PCDHGA2: variants seen among roughly 807,000 people sequenced by gnomAD.
PCDHGA2 encodes the protein protocadherin gamma subfamily A, 2, also known as protocadherin gamma-A2.
A neutral mutation model predicts 59.2 loss-of-function variants in PCDHGA2; 40 were observed. The ratio of observed to expected loss-of-function variants is 0.68; its 90% confidence interval spans 0.52 to 0.88. The LOEUF (loss-of-function observed/expected upper bound fraction) is 0.88, where lower values mean the gene tolerates loss of function less well. PCDHGA2 is among the 40% of genes least tolerant of loss of function. The probability of loss-of-function intolerance (pLI) is 0.00; values close to 1 mark genes in which losing one functional copy is unlikely to be tolerated. For missense variants in PCDHGA2, 1,226 were observed against 1,204.0 expected, an observed-to-expected ratio of 1.02 and a Z score of -0.27; for synonymous variants, 560 against 526.0, an observed-to-expected ratio of 1.06 and a Z score of -0.89.
In PCDHGA2 at chr5:141,432,596, G is replaced by T; in HGVS notation, c.2425-62211G>T. On this transcript the variant is annotated intron_variant, in intron 1 of 3. Transcript: ENST00000394576. This position sits in a 1 kb window ranked among gnomAD's most constrained non-coding sequence, Gnocchi z 6.0. The stretch of plus-strand genomic sequence containing the variant: ...GTCCTACCGTCTGCTCAAGGCCAGC[G>T]AGCCGGGACTCTTCTCGGTGGGTCT... 6.8e-6 allele frequency: 11 copies of T among 1,613,926 alleles called. No individual in the cohort carries two copies. The highest frequency in any genetic ancestry group is 9.3e-6 in the Non-Finnish European group (11 of 1,179,972).
chr5:141,350,985 A>G (rs1267505867), intron 1 of PCDHGA2: 2 of 1,614,068 alleles, frequency 1.2e-6, no homozygotes, highest in Admixed American at 1.7e-5. Flanking sequence ...TTTAGCCAGG[A>G]GGTATACAGG....
At chr5:141,461,966 G>A (rs2099027516) in intron 1 of PCDHGA2, among the ~76,000 whole-genome samples, 1 of 152,162 alleles carries the variant, frequency 6.6e-6, no homozygotes, top group African/African-American at 2.4e-5. Context: ...TGGGATTCCA[G>A]GCATATGCCA....
chr5:141,485,060 G>C lies in PCDHGA2; in HGVS notation c.2425-9747G>C. ...ACCCTTGCGGCGCCGGCCGAACCGCGCCAGAGCTGGCGCGGGGAAAGGGAG... is the reference window on the plus strand; with the variant it reads ...ACCCTTGCGGCGCCGGCCGAACCGCCCCAGAGCTGGCGCGGGGAAAGGGAG... On this transcript the variant is annotated intron_variant, in intron 1 of 3. Transcript: ENST00000394576. This position sits in a 1 kb window ranked among gnomAD's most constrained non-coding sequence, Gnocchi z 5.7. 1 of 862,304 alleles carries C rather than the reference G, an allele frequency of 1.2e-6. No individual in the cohort carries two copies. The highest frequency in any genetic ancestry group is 1.9e-6 in the Non-Finnish European group (1 of 540,422). 53.4% of individuals were successfully genotyped at this position (862,304 alleles called of 1,614,324 possible).
intron 1 of PCDHGA2, chr5:141,345,131 T>G: frequency 6.2e-7 from 1 of 1,613,990 alleles, no homozygotes; most frequent in South Asian, 1.1e-5. Context: ...GAAGAGAAAT[T>G]GCTCTTATCG....
intron 1 of PCDHGA2, among the ~76,000 whole-genome samples, chr5:141,494,529 G>C (rs952931724): frequency 1.3e-5 from 2 of 152,132 alleles, no homozygotes; most frequent in African/African-American, 4.8e-5. Flanking sequence ...TCTGACTCTG[G>C]GGGCAGGGAG....
chr5:141,345,684 T>C, intron 1 of PCDHGA2: 1 of 1,614,188 alleles, frequency 6.2e-7, no homozygotes, highest in Non-Finnish European at 8.5e-7. Context: ...GCTGAACCTG[T>C]TCGTGCTGGA....
rs1167791830 is a variant in PCDHGA2 at position 141,420,032 on chromosome 5, G to A, written c.2425-74775G>A. 6.2e-7 allele frequency: 1 copy of A among 1,613,956 alleles called. No individual in the cohort carries two copies. Among genetic ancestry groups the A allele is most frequent in the Non-Finnish European group, 8.5e-7 (1 of 1,179,920 alleles). ...ACAGTCTTTCAGCCCTACTGCAGGA[G>A]ACTGCTTTGAGTCAGTTCTCTGCTC... On this transcript the variant is annotated intron_variant, in intron 1 of 3. Coordinates refer to ENST00000394576, the MANE Select transcript of PCDHGA2 (RefSeq NM_018915.4).
Position 141,393,932 on chromosome 5 carries a change from C to A in PCDHGA2, c.2424+52537C>A, listed in dbSNP as rs758815375. 2.7e-5 allele frequency: 44 copies of A among 1,613,798 alleles called. No individual in the cohort carries two copies. Among genetic ancestry groups the A allele is most frequent in the Non-Finnish European group, 3.6e-5 (43 of 1,179,882 alleles). On this transcript the variant is annotated intron_variant, in intron 1 of 3. Coordinates refer to ENST00000394576, the MANE Select transcript of PCDHGA2 (RefSeq NM_018915.4). Reference sequence around the variant, plus strand: ...TAATTGCCTTCTTGAGTGTGCATGACCAAGACTCTGGAAAGAATGGTCAAG... The same window carrying A: ...TAATTGCCTTCTTGAGTGTGCATGAACAAGACTCTGGAAAGAATGGTCAAG...
intron 1 of PCDHGA2, chr5:141,365,491 T>C (rs1421150605): frequency 1.9e-6 from 3 of 1,614,014 alleles, no homozygotes; most frequent in Non-Finnish European, 2.5e-6. Flanking sequence ...GCTCTATTCC[T>C]AGGAATTTGC....
rs759095332 is a variant in PCDHGA2, at chr5:141,432,306, C to T, written c.2425-62501C>T. 1 of 1,614,250 alleles carries T rather than the reference C, an allele frequency of 6.2e-7. No homozygotes were observed. On this transcript the variant is annotated intron_variant, in intron 1 of 3. Coordinates refer to ENST00000394576, the MANE Select transcript of PCDHGA2 (RefSeq NM_018915.4). This position sits in a 1 kb window ranked among gnomAD's most constrained non-coding sequence, Gnocchi z 6.0. ...AACTCCGACACTGGGGTACTGTATG[C>T]GCTGAGCTCCTTCGACTACGAGCAG...
Position 141,463,645 on chromosome 5 carries a change from G to T in PCDHGA2, c.2425-31162G>T, listed in dbSNP as rs372962993. ...TTGTATTTTGTTTAGTAGAGACGGG[G>T]TTTCACCGTGTTAGCCAGGATGGTC... On this transcript the variant is annotated intron_variant, in intron 1 of 3. Transcript: ENST00000394576. 7.9e-5 allele frequency among the ~76,000 whole-genome samples: 12 copies of T among 151,840 alleles called. No individual in the cohort carries two copies. In the East Asian group the frequency reaches 2.1e-3, roughly 27 times the overall value.
intron 1 of PCDHGA2, chr5:141,423,526 A>G (rs1229909527): frequency 6.2e-7 from 1 of 1,613,690 alleles, no homozygotes; most frequent in Non-Finnish European, 8.5e-7. Flanking sequence ...CTCGCAGAAG[A>G]GTCACCTGAT....
chr5:141,374,769 T>C, intron 1 of PCDHGA2: 1 of 1,613,762 alleles, frequency 6.2e-7, no homozygotes. Context: ...GCCCAAATTC[T>C]GGTAACAGTT....
At chr5:141,436,211 C>T (rs12108692) in intron 1 of PCDHGA2, among the ~76,000 whole-genome samples, 2,997 of 152,100 alleles carry the variant, frequency 0.02, 43 homozygotes, top group African/African-American at 0.029. Flanking sequence ...AATAGGAAAA[C>T]AAATGACTTG....
intron 1 of PCDHGA2, among the ~76,000 whole-genome samples, chr5:141,386,562 A>G (rs979902403): frequency 3.0e-4 from 45 of 152,130 alleles, no homozygotes; most frequent in Non-Finnish European, 4.7e-4. Context: ...TATTTTGCAC[A>G]TGATAGACTC....
At chr5:141,435,413 A>G (rs1422263053) in intron 1 of PCDHGA2, among the ~76,000 whole-genome samples, 1 of 152,122 alleles carries the variant, frequency 6.6e-6, no homozygotes, top group Admixed American at 6.5e-5. Flanking sequence ...GGTAAAGACT[A>G]TTTTTCACTT....
chr5:141,466,090 C>A (rs983505253), intron 1 of PCDHGA2, among the ~76,000 whole-genome samples: 2 of 152,068 alleles, frequency 1.3e-5, no homozygotes, highest in African/African-American at 4.8e-5. Context: ...CCACTGCACT[C>A]CAGCCTGGGC....
chr5:141,441,725 C>A, intron 1 of PCDHGA2: 1 of 352,450 alleles, frequency 2.8e-6, no homozygotes. Flanking sequence ...AGGCCCGCGA[C>A]CAGGACTAGC....
At chr5:141,370,485 G>T (rs905115445) in intron 1 of PCDHGA2, 1 of 1,613,916 alleles carries the variant, frequency 6.2e-7, no homozygotes, top group Admixed American at 1.7e-5. Context: ...GGCTCTCTCC[G>T]AACCGATCCG....
Sources: allele counts gnomAD v4.1 joint callset (sites outside exome capture counted in the v4.1 genomes callset), GRCh38; gene constraint gnomAD v4.1.1; non-coding constraint Gnocchi (gnomAD v3.1); transcripts MANE v1.5; gene names NCBI Gene and HGNC (gene_info 2026-07-23, HGNC 2026-07-21).